TRPM3: variants seen among roughly 807,000 people sequenced by gnomAD.
TRPM3 encodes the protein transient receptor potential cation channel subfamily M member 3.
In TRPM3, 77 loss-of-function variants were observed where a neutral mutation model predicts 181.2. The observed-to-expected ratio is 0.42, with a 90% CI of 0.35 to 0.51. TRPM3 has a LOEUF of 0.51. TRPM3 is among the 20% of genes least tolerant of loss of function. The pLI is 0.01. For missense variants in TRPM3, 1,759 were observed against 2,196.7 expected, an observed-to-expected ratio of 0.80 and a Z score of 3.98; for synonymous variants, 745 against 796.4, an observed-to-expected ratio of 0.94 and a Z score of 1.09.
chr9:71,433,380 T>C (rs774986682), intron 1 of TRPM3, among the ~76,000 whole-genome samples: 1 of 152,326 alleles, frequency 6.6e-6, no homozygotes, highest in Middle Eastern at 3.4e-3. Flanking sequence ...CTCCTTCGTT[T>C]GGCATGTCTC....
At chr9:71,345,804 C>T (rs1490152412) in intron 1 of TRPM3, among the ~76,000 whole-genome samples, 1 of 152,114 alleles carries the variant, frequency 6.6e-6, no homozygotes, top group African/African-American at 2.4e-5. Flanking sequence ...TTAATAACCA[C>T]ATAAAATATG....
At chr9:70,889,089 A>G (rs941550514) in intron 1 of TRPM3, among the ~76,000 whole-genome samples, 2 of 152,218 alleles carry the variant, frequency 1.3e-5, no homozygotes, top group African/African-American at 2.4e-5. Flanking sequence ...TGGCACAGCC[A>G]GCAAGAAACA....
chr9:70,873,781 G>A (rs1334913465), intron 1 of TRPM3, among the ~76,000 whole-genome samples: 2 of 151,916 alleles, frequency 1.3e-5, no homozygotes, highest in Non-Finnish European at 2.9e-5. Flanking sequence ...TTTCCAACAT[G>A]TATAATCATC....
chr9:70,609,478 C>T (rs1182114976), intron 19 of TRPM3, among the ~76,000 whole-genome samples: 3 of 152,144 alleles, frequency 2.0e-5, no homozygotes, highest in African/African-American at 7.2e-5. Context: ...GTGGTAGTTT[C>T]CGAATGGTGG....
At position 71,096,590 on chromosome 9, in the gene TRPM3, A is replaced by ACACTCTCTCT. The variant is rs1452142664; in HGVS notation, c.177+24587_177+24588insAGAGAGAGTG. 1.0e-3 allele frequency among the ~76,000 whole-genome samples: 94 copies of ACACTCTCTCT among 90,036 alleles called. 1 individual carries two copies. Among genetic ancestry groups the ACACTCTCTCT allele is most frequent in the Non-Finnish European group, 1.5e-3 (75 of 49,452 alleles). The allele number at this position is 90,036 out of a possible 152,430, so 59.1% of individuals were successfully genotyped here. A position where few individuals can be genotyped will look rare whatever the true frequency, so the allele number is the denominator to read the frequency against. The stretch of plus-strand genomic sequence containing the variant: ...CACACACACACACACACACACACAC[A>ACACTCTCTCT]CTCTCTCTCTCTCTCTCTCTCTCTC... On this transcript the variant is annotated intron_variant, in intron 1 of 25. Transcript: ENST00000677713.
Position 71,446,629 on chromosome 9 carries a change from T to G in TRPM3, c.183+24A>C, listed in dbSNP as rs1042482177. ...CGAAGGGAGAAAAGAAAGCAAAGACTGGGGCTCTCCCCCGGCCACTCACCG... is the reference window on the plus strand; with the variant it reads ...CGAAGGGAGAAAAGAAAGCAAAGACGGGGGCTCTCCCCCGGCCACTCACCG... On this transcript the variant is annotated intron_variant, in intron 1 of 24. Transcript: ENST00000357533. The G allele has an allele frequency of 3.2e-6, 5 of 1,547,194 alleles. No homozygotes were observed. In the South Asian group the frequency reaches 4.8e-5, roughly 15 times the overall value.
chr9:71,043,107 C>T (rs936396540), intron 1 of TRPM3, among the ~76,000 whole-genome samples: 4 of 152,202 alleles, frequency 2.6e-5, no homozygotes, highest in South Asian at 2.1e-4. Context: ...CAAAACTGAT[C>T]GTGAGCTTTT....
intron 1 of TRPM3, among the ~76,000 whole-genome samples, chr9:71,169,362 A>G (rs1345243111): frequency 6.6e-6 from 1 of 152,192 alleles, no homozygotes; most frequent in East Asian, 1.9e-4. Flanking sequence ...GATTCTACAT[A>G]AGAAGAGACT....
At chr9:71,383,328 AC>A (rs2132886604) in intron 1 of TRPM3, among the ~76,000 whole-genome samples, 1 of 151,946 alleles carries the variant, frequency 6.6e-6, no homozygotes, top group African/African-American at 2.4e-5. Context: ...TTCATTTTTG[AC>A]CCTTCTTTTC....
intron 1 of TRPM3, among the ~76,000 whole-genome samples, chr9:71,104,309 T>C (rs1370939993): frequency 4.6e-5 from 7 of 152,216 alleles, no homozygotes; most frequent in South Asian, 2.1e-4. Flanking sequence ...TGATGTTAAC[T>C]TCAGATAGTT....
Position 70,669,704 on chromosome 9 carries a change from A to ATTTTTC in TRPM3, c.1345+11796_1345+11801dup, listed in dbSNP as rs2062539468. On this transcript the variant is annotated intron_variant, in intron 9 of 25. Transcript: ENST00000677713. ...GTCTGAAAAGAGAAGAGGTGGTTTC[A>ATTTTTC]TTTTTCTTTTTCTTTTCTTTTCTTT... is the stretch of plus-strand genomic sequence containing the variant. Among the ~76,000 whole-genome samples the ATTTTTC allele has an allele frequency of 2.7e-5, 4 of 149,808 alleles. No individual in the cohort carries two copies. In the South Asian group the frequency reaches 6.4e-4, roughly 24 times the overall value.
At chr9:70,672,775 T>C in intron 9 of TRPM3, among the ~76,000 whole-genome samples, 1 of 152,138 alleles carries the variant, frequency 6.6e-6, no homozygotes. Context: ...TAATTACTAG[T>C]TGTACTTTTG....
intron 1 of TRPM3, among the ~76,000 whole-genome samples, chr9:71,136,946 T>C (rs886873663): frequency 5.3e-5 from 8 of 152,024 alleles, no homozygotes; most frequent in Admixed American, 3.9e-4. Context: ...GGAGTGAGGG[T>C]GGGGGAGTCA....
chr9:70,782,813 C>T (rs866645295), intron 7 of TRPM3, among the ~76,000 whole-genome samples: 12 of 151,834 alleles, frequency 7.9e-5, no homozygotes, highest in Admixed American at 7.2e-4. Flanking sequence ...TCAGAGCTTT[C>T]GGGTTTGCAG....
chr9:71,231,339 A>AAG (rs1256219297), intron 1 of TRPM3, among the ~76,000 whole-genome samples: 1 of 152,020 alleles, frequency 6.6e-6, no homozygotes, highest in Non-Finnish European at 1.5e-5. Context: ...CAAAGGGTAA[A>AAG]AGAGAGAGAG....
intron 1 of TRPM3, among the ~76,000 whole-genome samples, chr9:71,210,112 C>G (rs2079394774): frequency 6.6e-6 from 1 of 152,202 alleles, no homozygotes; most frequent in African/African-American, 2.4e-5. Flanking sequence ...CCCCATGGCT[C>G]ACATTACTGC....
At chr9:71,020,245 T>C (rs1005194042) in intron 1 of TRPM3, among the ~76,000 whole-genome samples, 6 of 151,852 alleles carry the variant, frequency 4.0e-5, no homozygotes, top group African/African-American at 1.5e-4. Flanking sequence ...GGTGGGAGGA[T>C]CACTTGAGCC....
At chr9:71,072,397 T>C (rs1234358749) in intron 1 of TRPM3, among the ~76,000 whole-genome samples, 1 of 152,212 alleles carries the variant, frequency 6.6e-6, no homozygotes, top group African/African-American at 2.4e-5. Context: ...ATCTCTTCGA[T>C]AGTTAACACT....
upstream of TRPM3, among the ~76,000 whole-genome samples, chr9:71,123,591 C>T (rs1587497372): frequency 1.3e-5 from 2 of 152,174 alleles, no homozygotes; most frequent in South Asian, 4.1e-4. Context: ...ATTAAGCATG[C>T]ATACATATGG....
Sources: gnomAD v4.1 joint callset for allele counts (sites outside exome capture counted in the v4.1 genomes callset) on GRCh38, gnomAD v4.1.1 for gene constraint, MANE v1.5 for transcripts, NCBI Gene and HGNC (gene_info 2026-07-23, HGNC 2026-07-21) for gene names.